The following RSF1 variants were observed in gnomAD, a reference collection of about 807,000 sequenced individuals.
The protein encoded by RSF1 is remodeling and spacing factor 1.
In RSF1, 13 loss-of-function variants were observed where a neutral mutation model predicts 145.2. The ratio of observed to expected loss-of-function variants is 0.09; its 90% CI spans 0.06 to 0.14. The LOEUF is 0.14. Ranked by LOEUF, RSF1 falls within the 10% of genes least tolerant of loss-of-function variation. The pLI, the probability that RSF1 is intolerant of heterozygous loss-of-function variation, is 1.00. For synonymous variants in RSF1, 577 were observed against 592.6 expected (o/e 0.97, Z 0.38); for missense variants, 1,517 against 1,718.2 (o/e 0.88, Z 2.07).
At chr11:77,858,922 A>G in the RSF1 span, among the ~76,000 whole-genome samples, 1 of 152,206 alleles carries the variant, frequency 6.6e-6, no homozygotes, top group African/African-American at 2.4e-5. Context: ...AGGGATTGAA[A>G]TGCATGGCCT....
Position 77,663,532 on chromosome 11 carries a change from C to T in RSF1, c.*3385G>A, listed in dbSNP as rs1959284157. The T allele has an allele frequency of 1.3e-5, 2 of 152,014 alleles. No homozygotes were observed. Among genetic ancestry groups the T allele is most frequent in the African/African-American group, 2.4e-5 (1 of 41,380 alleles). 9.4% of individuals were successfully genotyped at this position (152,014 alleles called of 1,614,324 possible). A position where few individuals can be genotyped will look rare whatever the true frequency, so the allele number is the denominator to read the frequency against. ...CAGGTCACTTTTATATATAGATTGC[C>T]AGTAGACATGAATTTATTCTAAATG... On this transcript the variant is annotated 3_prime_UTR_variant, in exon 16 of 16. Coordinates refer to ENST00000308488, the MANE Select transcript of RSF1 (RefSeq NM_016578.4).
intron 1 of RSF1, among the ~76,000 whole-genome samples, chr11:77,774,706 C>G (rs964965822): frequency 2.4e-4 from 37 of 151,182 alleles, no homozygotes; most frequent in Non-Finnish European, 4.7e-4. Flanking sequence ...GCAGGCAGAT[C>G]ACCTGAGGTC....
At chr11:77,714,041 G>A (rs552259539) in intron 5 of RSF1, among the ~76,000 whole-genome samples, 4 of 152,250 alleles carry the variant, frequency 2.6e-5, no homozygotes, top group African/African-American at 4.8e-5. Context: ...TAGAGCTCCC[G>A]TTATTTTTGT....
intron 2 of RSF1, among the ~76,000 whole-genome samples, chr11:77,756,240 C>T (rs936397871): frequency 6.6e-6 from 1 of 151,568 alleles, no homozygotes; most frequent in Non-Finnish European, 1.5e-5. Context: ...GCTTGTAATC[C>T]CCAGCTACTA....
At position 77,662,973 on chromosome 11, in the gene RSF1, GATTC is replaced by G. The variant is rs1459819420; in HGVS notation, c.*3940_*3943del. The G allele has an allele frequency of 5.3e-5, 8 of 152,068 alleles. No individual in the cohort carries two copies. The South Asian group carries it at 6.2e-4, about 12-fold the overall frequency. The allele number at this position is 152,068 out of a possible 1,614,324, so 9.4% of individuals were successfully genotyped here. ...TCTTATTTCTTTCAAGTTAATGATG[GATTC>G]ATTTTTATTTTTTCTGATACTTATC... On this transcript the variant is annotated 3_prime_UTR_variant, in exon 16 of 16. Coordinates refer to ENST00000308488, the MANE Select transcript of RSF1 (RefSeq NM_016578.4).
the RSF1 span, among the ~76,000 whole-genome samples, chr11:77,857,699 GTT>G: frequency 4.4e-5 from 6 of 137,670 alleles, no homozygotes; most frequent in Admixed American, 1.5e-4. Flanking sequence ...CAACTAAGTT[GTT>G]TTTTTTTTTT....
chr11:77,676,907 G>T lies in RSF1; in HGVS notation c.3226C>A (p.Arg1076=), dbSNP rs1299598937. The change falls in exon 13 of 16, where the codon CGA becomes AGA. Residue 1076 remains arginine, a synonymous_variant. Coordinates refer to ENST00000308488, the MANE Select transcript of RSF1 (RefSeq NM_016578.4). The part of the protein sequence containing the change: ...ILDEERKENK[R]PQRAAAARRK... ...CGAGCAGCAGCTGCCCTCTGGGGTCGTTTATTTTCTTTTCTTTCTTCATCC... is the reference window on the plus strand; with the variant it reads ...CGAGCAGCAGCTGCCCTCTGGGGTCTTTTATTTTCTTTTCTTTCTTCATCC... 6.2e-7 allele frequency: 1 copy of T among 1,614,032 alleles called. No individual in the cohort carries two copies. The highest frequency in any genetic ancestry group is 8.5e-7 in the Non-Finnish European group (1 of 1,179,958).
In RSF1 at chr11:77,744,859, A is replaced by G. The variant is rs191623503; in HGVS notation, c.372+2177T>C. On this transcript the variant is annotated intron_variant, in intron 3 of 15. Transcript: ENST00000308488. ...TTTCTCCTCTTCAGCTTTTTAGAAGACATTGAGAAGGACTACTATTAGTTA... is the reference window on the plus strand; with the variant it reads ...TTTCTCCTCTTCAGCTTTTTAGAAGGCATTGAGAAGGACTACTATTAGTTA... 2.8e-3 allele frequency among the ~76,000 whole-genome samples: 432 copies of G among 152,318 alleles called. 4 individuals are homozygous for G. The highest frequency in any genetic ancestry group is 1.0e-2 in the African/African-American group (415 of 41,564).
At chr11:77,852,572 T>G in the RSF1 span, among the ~76,000 whole-genome samples, 1 of 152,156 alleles carries the variant, frequency 6.6e-6, no homozygotes, top group Non-Finnish European at 1.5e-5. Context: ...ACATGAGATT[T>G]GCGCAGGGAC....
In RSF1 at chr11:77,690,586, C is replaced by G. The variant is rs534111944; in HGVS notation, c.2900+573G>C. ...AGTTGGGACTACAGGTGTGCGACAC[C>G]ATGCCCAGCTGATTTTTGTATTTTT... On this transcript the variant is annotated intron_variant, in intron 9 of 15. Coordinates refer to ENST00000308488, the MANE Select transcript of RSF1 (RefSeq NM_016578.4). Among the ~76,000 whole-genome samples the G allele has an allele frequency of 2.2e-3, 328 of 152,308 alleles. 8 individuals are homozygous for G. The highest frequency in any genetic ancestry group is 0.017 in the Admixed American group (259 of 15,296).
chr11:77,750,771 T>A (rs1948053387), intron 2 of RSF1, among the ~76,000 whole-genome samples: 1 of 152,258 alleles, frequency 6.6e-6, no homozygotes, highest in Non-Finnish European at 1.5e-5. Flanking sequence ...TGTTCTAATA[T>A]CTAAAACATG....
At chr11:77,703,773 G>C (rs1960478444) in intron 5 of RSF1, among the ~76,000 whole-genome samples, 1 of 150,972 alleles carries the variant, frequency 6.6e-6, no homozygotes, top group African/African-American at 2.5e-5. Flanking sequence ...TTCAAGAGAT[G>C]AGAGTAAAAA....
chr11:77,800,308 A>G (rs1424620155), intron 1 of RSF1, among the ~76,000 whole-genome samples: 1 of 152,040 alleles, frequency 6.6e-6, no homozygotes, highest in Non-Finnish European at 1.5e-5. Flanking sequence ...CCTGACCAAC[A>G]TGGTGAAACC....
At chr11:77,744,077 A>G (rs1256837416) in intron 3 of RSF1, among the ~76,000 whole-genome samples, 1 of 152,108 alleles carries the variant, frequency 6.6e-6, no homozygotes, top group East Asian at 1.9e-4. Context: ...CACCCAGGCT[A>G]GAGTGCAGTG....
the RSF1 span, among the ~76,000 whole-genome samples, chr11:77,849,212 T>C: frequency 1.3e-5 from 2 of 151,648 alleles, no homozygotes; most frequent in Admixed American, 6.6e-5. Flanking sequence ...AATTTTTTAT[T>C]TTTTATTTTT....
intron 1 of RSF1, among the ~76,000 whole-genome samples, chr11:77,793,976 A>C (rs1478699657): frequency 6.6e-6 from 1 of 152,208 alleles, no homozygotes; most frequent in African/African-American, 2.4e-5. Flanking sequence ...TGAATCCAGC[A>C]AAAGGATATA....
At chr11:77,671,328 T>C (rs2135811393) in intron 15 of RSF1, among the ~76,000 whole-genome samples, 1 of 150,770 alleles carries the variant, frequency 6.6e-6, no homozygotes, top group South Asian at 2.1e-4. Context: ...TAGGAAATAA[T>C]GATTTCGGTT....
intron 5 of RSF1, among the ~76,000 whole-genome samples, chr11:77,711,100 C>G (rs1960669705): frequency 6.9e-6 from 1 of 144,444 alleles, no homozygotes; most frequent in South Asian, 2.2e-4. Context: ...GGTTAGGAAA[C>G]ACACACATAG....
rs541428847 is a variant in RSF1, at chr11:77,755,729, G to A, written c.280-8601C>T. ...CGAGTAGCTGGGACTACAGGTACGC[G>A]CCACCATGCCTGGCTAATTTTTGTA... On this transcript the variant is annotated intron_variant, in intron 2 of 15. Coordinates refer to ENST00000308488, the MANE Select transcript of RSF1 (RefSeq NM_016578.4). Among the ~76,000 whole-genome samples the A allele has an allele frequency of 1.5e-4, 23 of 152,062 alleles. No individual in the cohort carries two copies. The South Asian group carries it at 3.5e-3, about 23-fold the overall frequency.
Sources: allele counts gnomAD v4.1 joint callset (sites outside exome capture counted in the v4.1 genomes callset), GRCh38; gene constraint gnomAD v4.1.1; transcripts MANE v1.5; gene names NCBI Gene and HGNC (gene_info 2026-07-23, HGNC 2026-07-21).